The following SLC14A2 variants were observed in gnomAD, a reference collection of about 807,000 sequenced individuals.
SLC14A2 encodes solute carrier family 14 member 2.
A neutral mutation model predicts 104.6 loss-of-function variants in SLC14A2; 91 were observed. That is an observed-to-expected ratio of 0.87 (90% CI 0.73 to 1.04). The LOEUF (loss-of-function observed/expected upper bound fraction) is 1.04. Among genes scored for constraint, SLC14A2 ranks in the 50% least tolerant of loss-of-function variants. The pLI, the probability that SLC14A2 is intolerant of heterozygous loss-of-function variation, is 0.00. For missense variants in SLC14A2, 1,189 were observed against 1,156.0 expected (o/e 1.03, Z -0.41); for synonymous variants, 476 against 466.4 (o/e 1.02, Z -0.27).
chr18:45,349,181 A>G (rs566418478), intron 1 of SLC14A2, among the ~76,000 whole-genome samples: 9 of 152,302 alleles, frequency 5.9e-5, no homozygotes, highest in African/African-American at 2.2e-4. Flanking sequence ...AGCAGATCAT[A>G]TTTGGAAGGA....
chr18:45,538,634 A>G (rs1384021338), intron 2 of SLC14A2, among the ~76,000 whole-genome samples: 1 of 152,178 alleles, frequency 6.6e-6, no homozygotes, highest in Non-Finnish European at 1.5e-5. Context: ...AAGAAGACAG[A>G]AGCCACAGTC....
At chr18:45,247,271 T>A (rs1372324038) in intron 1 of SLC14A2, among the ~76,000 whole-genome samples, 1 of 152,252 alleles carries the variant, frequency 6.6e-6, no homozygotes, top group African/African-American at 2.4e-5. Context: ...ATTCTTTCTT[T>A]AGAAAAATTG....
At chr18:45,228,251 G>T (rs191612869) in intron 1 of SLC14A2, among the ~76,000 whole-genome samples, 87 of 152,332 alleles carry the variant, frequency 5.7e-4, no homozygotes, top group African/African-American at 2.0e-3. Context: ...CATTGGAAAA[G>T]AATATTTGGT....
chr18:45,248,258 AAGTCAT>A (rs2084386601), intron 1 of SLC14A2, among the ~76,000 whole-genome samples: 2 of 152,100 alleles, frequency 1.3e-5, no homozygotes. Context: ...ACACAGAAAA[AAGTCAT>A]AGTCATTGTC....
chr18:45,529,582 T>G (rs2043649993), intron 2 of SLC14A2: 1 of 152,220 alleles, frequency 6.6e-6, no homozygotes, highest in Non-Finnish European at 1.5e-5. Flanking sequence ...TAACTCAAAT[T>G]TCAATCCCCA....
At chr18:45,465,503 C>T (rs777083840) in intron 1 of SLC14A2, among the ~76,000 whole-genome samples, 8 of 152,132 alleles carry the variant, frequency 5.3e-5, no homozygotes, top group Non-Finnish European at 8.8e-5. Flanking sequence ...CTTCCCTCCT[C>T]CTCTGGCCTC....
Position 45,365,297 on chromosome 18 carries a change from C to T in SLC14A2, c.-124-117936C>T, listed in dbSNP as rs1450836620. Among the ~76,000 whole-genome samples, 3 of 152,242 alleles carry T rather than the reference C, an allele frequency of 2.0e-5. 1 individual carries two copies. In the Middle Eastern group the frequency reaches 9.5e-3, roughly 482 times the overall value. ...ATTCCTCCATAGTAATCTTTGTAATCTTGCCTAGGCAATGGTCATTATAGG... is the reference window on the plus strand; with the variant it reads ...ATTCCTCCATAGTAATCTTTGTAATTTTGCCTAGGCAATGGTCATTATAGG... On this transcript the variant is annotated intron_variant, in intron 1 of 20. Transcript: ENST00000586448.
intron 1 of SLC14A2, among the ~76,000 whole-genome samples, chr18:45,216,050 C>T (rs1051700525): frequency 5.3e-5 from 8 of 152,136 alleles, no homozygotes; most frequent in African/African-American, 1.9e-4. Flanking sequence ...AAGGAGTGAA[C>T]ATTCACACAC....
intron 1 of SLC14A2, among the ~76,000 whole-genome samples, chr18:45,222,173 C>T (rs2084068943): frequency 6.6e-6 from 1 of 152,170 alleles, no homozygotes; most frequent in African/African-American, 2.4e-5. Flanking sequence ...CTTTGGTTCT[C>T]AGTTTACTTG....
intron 1 of SLC14A2, among the ~76,000 whole-genome samples, chr18:45,311,274 A>G (rs904137767): frequency 6.6e-6 from 1 of 152,236 alleles, no homozygotes; most frequent in Non-Finnish European, 1.5e-5. Flanking sequence ...AATATCACCC[A>G]GTAATCATAT....
At chr18:45,475,650 T>TATATATATATATATTTAGG in intron 1 of SLC14A2, among the ~76,000 whole-genome samples, 1 of 23,582 alleles carries the variant, frequency 4.2e-5, no homozygotes, top group African/African-American at 2.3e-4. Context: ...AGGATATATA[T>TATATATATATATATTTAGG]ATATATATAT....
chr18:45,479,690 T>C (rs1364505304), intron 1 of SLC14A2, among the ~76,000 whole-genome samples: 1 of 152,244 alleles, frequency 6.6e-6, no homozygotes, highest in Non-Finnish European at 1.5e-5. Context: ...AATTTGTTTC[T>C]CTTTGTCTTA....
At chr18:45,346,746 A>C (rs1183730406) in intron 1 of SLC14A2, among the ~76,000 whole-genome samples, 1 of 151,946 alleles carries the variant, frequency 6.6e-6, no homozygotes, top group African/African-American at 2.4e-5. Context: ...CAACATGATG[A>C]AACCCGGCCA....
intron 2 of SLC14A2, among the ~76,000 whole-genome samples, chr18:45,593,926 T>C (rs1422000986): frequency 1.3e-5 from 2 of 152,246 alleles, no homozygotes; most frequent in African/African-American, 4.8e-5. Flanking sequence ...CCCCCACTTC[T>C]GGCCAGACCG....
intron 1 of SLC14A2, among the ~76,000 whole-genome samples, chr18:45,372,341 T>A (rs1381222732): frequency 2.7e-5 from 3 of 110,004 alleles, no homozygotes; most frequent in Non-Finnish European, 5.6e-5. Flanking sequence ...TAATAATAAT[T>A]TCTATTAGAT....
intron 2 of SLC14A2, among the ~76,000 whole-genome samples, chr18:45,571,123 A>C (rs376544690): frequency 1.3e-5 from 2 of 152,198 alleles, no homozygotes; most frequent in South Asian, 2.1e-4. Flanking sequence ...CTTCCTGAAG[A>C]CTGATTAACT....
intron 1 of SLC14A2, among the ~76,000 whole-genome samples, chr18:45,239,187 G>A (rs1052413532): frequency 6.6e-6 from 1 of 152,102 alleles, no homozygotes; most frequent in Admixed American, 6.5e-5. Context: ...ACCTAAGGAG[G>A]AAACTACAAG....
chr18:45,467,098 G>A (rs2144656640), intron 1 of SLC14A2, among the ~76,000 whole-genome samples: 1 of 152,192 alleles, frequency 6.6e-6, no homozygotes, highest in Admixed American at 6.5e-5. Flanking sequence ...CTCAGTTTGG[G>A]GTAGCCAGGG....
intron 1 of SLC14A2, among the ~76,000 whole-genome samples, chr18:45,248,409 G>A (rs2084388368): frequency 6.6e-6 from 1 of 152,076 alleles, no homozygotes; most frequent in African/African-American, 2.4e-5. Context: ...TGATCCCTGG[G>A]CAGAAGGGAT....
Sources: gnomAD v4.1 joint callset for allele counts (sites outside exome capture counted in the v4.1 genomes callset) on GRCh38, gnomAD v4.1.1 for gene constraint, MANE v1.5 for transcripts, NCBI Gene and HGNC (gene_info 2026-07-23, HGNC 2026-07-21) for gene names.